The following DGKB variants were observed in gnomAD, a reference collection of about 807,000 sequenced individuals.
DGKB encodes the protein 90 kDa diacylglycerol kinase.
DGKB carries 67 observed loss-of-function variants against 114.3 expected under a neutral mutation model. That is an observed-to-expected ratio of 0.59 (90% CI 0.48 to 0.72). The LOEUF (loss-of-function observed/expected upper bound fraction) is 0.72. Ranked by LOEUF, DGKB falls within the 30% of genes least tolerant of loss-of-function variation. The pLI is 0.00. For synonymous variants in DGKB, 398 were observed against 323.1 expected (o/e 1.23, Z -2.49); for missense variants, 907 against 975.2 (o/e 0.93, Z 0.93).
intron 2 of DGKB, among the ~76,000 whole-genome samples, chr7:14,824,173 C>T (rs116371753): frequency 6.6e-6 from 1 of 152,260 alleles, no homozygotes; most frequent in African/African-American, 2.4e-5. Flanking sequence ...CACCAGGTCC[C>T]TCCCAGGACA....
chr7:14,248,389 TGCC>T (rs1794768883), intron 23 of DGKB, among the ~76,000 whole-genome samples: 2 of 152,108 alleles, frequency 1.3e-5, no homozygotes, highest in East Asian at 3.9e-4. Context: ...CTGTGAAAAA[TGCC>T]ATTGGAATTT....
rs557128828 is a variant in DGKB at position 14,524,361 on chromosome 7, G to C, written c.1771-46136C>G. On this transcript the variant is annotated intron_variant, in intron 20 of 25. Transcript: ENST00000402815. ...AGTGGTAGAAGAATACCTTTTCCTA[G>C]ATACTTGCCAGGCTACTGAACTATC... 2.0e-5 allele frequency among the ~76,000 whole-genome samples: 3 copies of C among 152,262 alleles called. No homozygotes were observed. In the South Asian group the frequency reaches 6.2e-4, roughly 32 times the overall value.
At chr7:14,856,655 T>TTG (rs143999370) in intron 1 of DGKB, among the ~76,000 whole-genome samples, 18,220 of 151,806 alleles carry the variant, frequency 0.12, 2,167 homozygotes, top group African/African-American at 0.29. Flanking sequence ...AAAGTATTCA[T>TTG]TGTGTGTGTG....
intron 1 of DGKB, among the ~76,000 whole-genome samples, chr7:14,940,343 CT>C (rs35621459): frequency 0.17 from 24,618 of 145,568 alleles, 2,120 homozygotes; most frequent in Admixed American, 0.21. Context: ...GTCTTCAAGC[CT>C]TTTTTTTTTT....
At chr7:14,676,286 C>G (rs1308932000) in intron 12 of DGKB, among the ~76,000 whole-genome samples, 1 of 152,024 alleles carries the variant, frequency 6.6e-6, no homozygotes, top group Non-Finnish European at 1.5e-5. Context: ...ATATAAATGC[C>G]TTTCTGTATG....
chr7:14,735,744 C>G (rs193237020), intron 5 of DGKB, among the ~76,000 whole-genome samples: 23 of 152,204 alleles, frequency 1.5e-4, no homozygotes, highest in African/African-American at 5.1e-4. Flanking sequence ...GCAATCTATA[C>G]GTATCTAGTT....
chr7:14,524,762 A>T (rs1790370910), intron 20 of DGKB, among the ~76,000 whole-genome samples: 1 of 151,944 alleles, frequency 6.6e-6, no homozygotes, highest in Non-Finnish European at 1.5e-5. Context: ...GTCTCAAAAA[A>T]AAAAAAAAAA....
chr7:14,153,988 G>A lies in DGKB; in HGVS notation c.2305-4750C>T, dbSNP rs143546003. On this transcript the variant is annotated intron_variant, in intron 25 of 25. Transcript: ENST00000402815. ...TTGCCTCTTATGTACCCTTTAAAACGTATTTGGGGTGTTTTCTAGCAAAGT... is the reference window on the plus strand; with the variant it reads ...TTGCCTCTTATGTACCCTTTAAAACATATTTGGGGTGTTTTCTAGCAAAGT... Among the ~76,000 whole-genome samples the A allele has an allele frequency of 6.2e-3, 944 of 151,956 alleles. 10 individuals are homozygous for A. The highest frequency in any genetic ancestry group is 0.022 in the African/African-American group (907 of 41,458).
intron 21 of DGKB, among the ~76,000 whole-genome samples, chr7:14,361,023 C>T (rs1815632621): frequency 6.6e-6 from 1 of 152,022 alleles, no homozygotes; most frequent in South Asian, 2.1e-4. Flanking sequence ...TTCCTTCACA[C>T]ATTATTTCCC....
intron 2 of DGKB, among the ~76,000 whole-genome samples, chr7:14,830,301 T>C (rs1165485586): frequency 6.6e-6 from 1 of 152,076 alleles, no homozygotes; most frequent in East Asian, 1.9e-4. Flanking sequence ...AGTTTGTTCA[T>C]TACAGACTTC....
chr7:14,377,555 G>T (rs1329321319), intron 21 of DGKB, among the ~76,000 whole-genome samples: 1 of 152,108 alleles, frequency 6.6e-6, no homozygotes, highest in Non-Finnish European at 1.5e-5. Flanking sequence ...TCTAGGACAG[G>T]TATGAAAACA....
At chr7:14,411,208 G>GT (rs1824824124) in intron 21 of DGKB, among the ~76,000 whole-genome samples, 1 of 152,140 alleles carries the variant, frequency 6.6e-6, no homozygotes, top group Middle Eastern at 3.2e-3. Flanking sequence ...AACTGTTAAT[G>GT]TAAGTGTTCT....
chr7:14,605,114 C>T (rs571678249), intron 17 of DGKB, among the ~76,000 whole-genome samples: 15 of 151,992 alleles, frequency 9.9e-5, no homozygotes, highest in South Asian at 2.1e-4. Context: ...TAGATATTGA[C>T]GTAGCATATT....
chr7:14,796,958 T>A (rs886584541), intron 2 of DGKB, among the ~76,000 whole-genome samples: 9 of 152,326 alleles, frequency 5.9e-5, no homozygotes, highest in African/African-American at 2.2e-4. Context: ...ATTACTCACT[T>A]TTCTTTAATT....
intron 18 of DGKB, among the ~76,000 whole-genome samples, chr7:14,582,112 A>T (rs888573927): frequency 2.6e-5 from 4 of 152,218 alleles, no homozygotes; most frequent in Admixed American, 6.5e-5. Flanking sequence ...CAATTTATAC[A>T]GAAGGTAAAA....
chr7:14,264,240 C>A (rs947546789), intron 23 of DGKB, among the ~76,000 whole-genome samples: 5 of 152,096 alleles, frequency 3.3e-5, no homozygotes, highest in African/African-American at 4.8e-5. Flanking sequence ...AGCAGAGAAA[C>A]AGGAAAAGAT....
chr7:14,756,640 C>G (rs892765837), intron 3 of DGKB, among the ~76,000 whole-genome samples: 1 of 151,310 alleles, frequency 6.6e-6, no homozygotes, highest in Non-Finnish European at 1.5e-5. Context: ...AATTTCAAAA[C>G]AATTTGAATA....
chr7:14,709,187 T>G (rs1164784763), intron 6 of DGKB, among the ~76,000 whole-genome samples: 1 of 152,168 alleles, frequency 6.6e-6, no homozygotes, highest in African/African-American at 2.4e-5. Flanking sequence ...AAAGAAGACA[T>G]TTATGCAGCC....
chr7:14,844,970 G>T (rs141518078), intron 1 of DGKB, among the ~76,000 whole-genome samples: 4,203 of 151,936 alleles, frequency 0.028, 194 homozygotes, highest in African/African-American at 0.096. Flanking sequence ...AGCTGGGCAT[G>T]GTAGCATGTG....
Sources: allele counts gnomAD v4.1 joint callset (sites outside exome capture counted in the v4.1 genomes callset), GRCh38; gene constraint gnomAD v4.1.1; transcripts MANE v1.5; gene names NCBI Gene and HGNC (gene_info 2026-07-23, HGNC 2026-07-21).